Variants in TCF4 observed in about 807,000 individuals in gnomAD.
TCF4 encodes SL3-3 enhancer factor 2.
TCF4 carries 3 observed loss-of-function variants against 82.1 expected under a neutral mutation model. The observed-to-expected ratio is 0.04, with a 90% CI of 0.02 to 0.09. The LOEUF (loss-of-function observed/expected upper bound fraction) is 0.09, where lower values mean the gene tolerates loss of function less well. Ranked by LOEUF, TCF4 falls within the 10% of genes least tolerant of loss-of-function variation. The pLI is 1.00. For missense variants in TCF4, 518 were observed against 852.7 expected (o/e 0.61, Z 4.89); for synonymous variants, 276 against 309.6 (o/e 0.89, Z 1.14).
chr18:55,389,698 A>G (rs1448125819), intron 6 of TCF4, among the ~76,000 whole-genome samples: 1 of 152,124 alleles, frequency 6.6e-6, no homozygotes, highest in Non-Finnish European at 1.5e-5. Flanking sequence ...AGGGGCCAGG[A>G]TACCACCATG....
chr18:55,354,537 T>A (rs1352583375), intron 6 of TCF4, among the ~76,000 whole-genome samples: 2 of 152,162 alleles, frequency 1.3e-5, no homozygotes, highest in African/African-American at 2.4e-5. Flanking sequence ...TATCTCAAAT[T>A]AGATTTATAA....
intron 8 of TCF4, among the ~76,000 whole-genome samples, chr18:55,349,921 TAGAGACATTC>T (rs936132083): frequency 1.5e-4 from 23 of 152,110 alleles, no homozygotes; most frequent in African/African-American, 5.1e-4. Flanking sequence ...CTCCAGAAAA[TAGAGACATTC>T]TTCCTGCACT....
chr18:55,594,098 AT>A (rs2097688409), intron 2 of TCF4, among the ~76,000 whole-genome samples: 1 of 152,096 alleles, frequency 6.6e-6, no homozygotes, highest in Non-Finnish European at 1.5e-5. Flanking sequence ...AAGTCCAGAG[AT>A]TTATGACACA....
At chr18:55,424,555 C>T (rs1301109217) in intron 5 of TCF4, among the ~76,000 whole-genome samples, 2 of 151,966 alleles carry the variant, frequency 1.3e-5, no homozygotes, top group Non-Finnish European at 2.9e-5. Context: ...ACAAAAAGCA[C>T]AAAAATATCA....
intron 9 of TCF4, among the ~76,000 whole-genome samples, chr18:55,276,645 A>G (rs2061546066): frequency 6.6e-6 from 1 of 152,214 alleles, no homozygotes; most frequent in Non-Finnish European, 1.5e-5. Flanking sequence ...GATCTACATT[A>G]CTGCTAAATT....
chr18:55,326,450 T>C (rs2076582566), intron 8 of TCF4, among the ~76,000 whole-genome samples: 1 of 142,522 alleles, frequency 7.0e-6, no homozygotes, highest in African/African-American at 2.6e-5. Flanking sequence ...TAAAATAGAC[T>C]TAGGTGAAGT....
chr18:55,529,972 A>T (rs1423152203), intron 3 of TCF4, among the ~76,000 whole-genome samples: 1 of 152,126 alleles, frequency 6.6e-6, no homozygotes, highest in African/African-American at 2.4e-5. Flanking sequence ...GCAAGCAGAG[A>T]CTGCTGTTTC....
intron 2 of TCF4, among the ~76,000 whole-genome samples, chr18:55,594,910 A>T (rs1180295523): frequency 6.6e-6 from 1 of 152,092 alleles, no homozygotes; most frequent in Non-Finnish European, 1.5e-5. Context: ...AACTGCAGGG[A>T]AGATCTGCAT....
intron 8 of TCF4, among the ~76,000 whole-genome samples, chr18:55,310,279 G>C (rs1307587543): frequency 6.6e-6 from 1 of 152,218 alleles, no homozygotes; most frequent in Non-Finnish European, 1.5e-5. Flanking sequence ...AGCAATAAAT[G>C]AAAGCATATC....
chr18:55,326,401 CAAAAAAAAAAAAAAAA>C (rs59228811), intron 8 of TCF4, among the ~76,000 whole-genome samples: 23 of 26,388 alleles, frequency 8.7e-4, no homozygotes, highest in Admixed American at 5.9e-3. Flanking sequence ...AGAGCAGCAG[CAAAAAAAAAAAAAAAA>C]AAAAAAAAAA....
intron 15 of TCF4, among the ~76,000 whole-genome samples, chr18:55,252,316 A>G (rs1441838679): frequency 6.6e-6 from 1 of 152,022 alleles, no homozygotes; most frequent in Non-Finnish European, 1.5e-5. Flanking sequence ...AGGAGAAAAC[A>G]GGAACTTATC....
At chr18:55,621,137 T>C (rs1200503378) in intron 2 of TCF4, among the ~76,000 whole-genome samples, 1 of 151,712 alleles carries the variant, frequency 6.6e-6, no homozygotes, top group African/African-American at 2.4e-5. Context: ...CTATCTTACA[T>C]TTCTTCATAT....
intron 3 of TCF4, among the ~76,000 whole-genome samples, chr18:55,476,978 C>A (rs952492150): frequency 6.6e-6 from 1 of 152,154 alleles, no homozygotes. Flanking sequence ...ACACACGATA[C>A]ACAAACTTGC....
At chr18:55,521,883 G>A (rs1458728896) in intron 3 of TCF4, among the ~76,000 whole-genome samples, 2 of 152,168 alleles carry the variant, frequency 1.3e-5, no homozygotes, top group African/African-American at 2.4e-5. Flanking sequence ...GGTTGGATGT[G>A]TGGCTTAAAC....
chr18:55,364,880 G>T (rs2086435410), intron 6 of TCF4, among the ~76,000 whole-genome samples: 1 of 151,932 alleles, frequency 6.6e-6, no homozygotes. Context: ...ATATATAAGG[G>T]CTGGGCATGG....
intron 3 of TCF4, chr18:55,550,330 T>G (rs1025177375): frequency 2.0e-5 from 3 of 152,194 alleles, no homozygotes; most frequent in Non-Finnish European, 4.4e-5. Context: ...CTCCTCAAAG[T>G]CAGTGACTTT....
At chr18:55,442,944 A>G (rs2095465890) in intron 5 of TCF4, among the ~76,000 whole-genome samples, 1 of 152,232 alleles carries the variant, frequency 6.6e-6, no homozygotes, top group Non-Finnish European at 1.5e-5. Context: ...ACCAAGATGG[A>G]CTAGCTTTTT....
chr18:55,303,236 C>CACACACACACACACACACACACCCCT (rs2068926178), intron 8 of TCF4, among the ~76,000 whole-genome samples: 3 of 148,428 alleles, frequency 2.0e-5, no homozygotes, highest in African/African-American at 7.5e-5. Flanking sequence ...TACACACACA[C>CACACACACACACACACACACACCCCT]ACACACACAC....
chr18:55,507,930 A>G (rs954130098), intron 3 of TCF4, among the ~76,000 whole-genome samples: 1 of 152,138 alleles, frequency 6.6e-6, no homozygotes, highest in African/African-American at 2.4e-5. Flanking sequence ...GGAGAAACTG[A>G]CCCATGTAAC....
Sources: gnomAD v4.1 joint callset for allele counts (sites outside exome capture counted in the v4.1 genomes callset) on GRCh38, gnomAD v4.1.1 for gene constraint, MANE v1.5 for transcripts, NCBI Gene and HGNC (gene_info 2026-07-23, HGNC 2026-07-21) for gene names.